APPL1: variants seen among roughly 807,000 people sequenced by gnomAD.
APPL1 encodes the protein DCC-interacting protein 13-alpha.
Under a neutral mutation model 106.8 loss-of-function variants are expected in APPL1, and 42 were observed. The observed-to-expected ratio is 0.39, with a 90% CI of 0.31 to 0.51. APPL1 has a LOEUF of 0.51. APPL1 is among the 20% of genes least tolerant of loss of function. The probability of loss-of-function intolerance (pLI) is 0.75; values close to 1 mark genes in which losing one functional copy is unlikely to be tolerated. For synonymous variants in APPL1, 263 were observed against 281.8 expected, an observed-to-expected ratio of 0.93 and a Z score of 0.67; for missense variants, 769 against 858.2, an observed-to-expected ratio of 0.90 and a Z score of 1.30.
intron 19 of APPL1, among the ~76,000 whole-genome samples, chr3:57,264,028 T>C (rs1425824676): frequency 6.6e-6 from 1 of 152,232 alleles, no homozygotes; most frequent in Non-Finnish European, 1.5e-5. Flanking sequence ...GGGTTCCCTT[T>C]TCTCCACATG....
At chr3:57,230,763 T>C (rs1473689663) in intron 1 of APPL1, 1 of 455,138 alleles carries the variant, frequency 2.2e-6, no homozygotes, top group African/African-American at 2.1e-5. Flanking sequence ...CTTTTAAAGC[T>C]CATGGTAAGT....
At chr3:57,255,804 A>T (rs1219511070) in intron 13 of APPL1, among the ~76,000 whole-genome samples, 1 of 152,220 alleles carries the variant, frequency 6.6e-6, no homozygotes, top group Non-Finnish European at 1.5e-5. Context: ...TACCATTAAA[A>T]TACAAATTAA....
intron 4 of APPL1, 32 bp from the exon 5 acceptor site, chr3:57,240,433 T>C: frequency 6.5e-7 from 1 of 1,532,118 alleles, no homozygotes; most frequent in Non-Finnish European, 9.0e-7. Flanking sequence ...CTGTGTATAG[T>C]TATTTGGCCT....
Position 57,235,675 on chromosome 3 carries a change from A to G in APPL1, c.153+11A>G, listed in dbSNP as rs767409537. The G allele has an allele frequency of 2.5e-6, 4 of 1,593,318 alleles. No individual in the cohort carries two copies. Among genetic ancestry groups the G allele is most frequent in the Admixed American group, 1.7e-5 (1 of 59,572 alleles). On this transcript the variant is annotated intron_variant, in intron 2 of 21. Transcript: ENST00000288266. ...ATTTATGATGCACAGGTAAAACACT[A>G]AGGACTAACTTGATGCTTTTAAAAC...
At chr3:57,267,134 A>G (rs967550153) in intron 19 of APPL1, among the ~76,000 whole-genome samples, 2 of 152,220 alleles carry the variant, frequency 1.3e-5, no homozygotes, top group African/African-American at 2.4e-5. Flanking sequence ...ATTCTGATCC[A>G]TGAGCATGGG....
rs2060957241 is a variant in APPL1, at chr3:57,273,131, AC to A, written c.*3445del. On this transcript the variant is annotated 3_prime_UTR_variant, in exon 22 of 22. Transcript: ENST00000288266. ...CTCTGTGGCTTCACTCATGAAATTT[AC>A]TTCAGTTAATATGAGACTGGGGGTT... The A allele has an allele frequency of 6.6e-6, 1 of 152,642 alleles. No individual in the cohort carries two copies. Among genetic ancestry groups the A allele is most frequent in the Non-Finnish European group, 1.5e-5 (1 of 68,020 alleles). 9.5% of individuals were successfully genotyped at this position (152,642 alleles called of 1,614,324 possible).
chr3:57,252,234 A>G, intron 11 of APPL1, 35 bp from the exon 12 acceptor site: 2 of 1,563,406 alleles, frequency 1.3e-6, no homozygotes, highest in Non-Finnish European at 1.7e-6. Flanking sequence ...ATACTTTTTT[A>G]AACAGTTGAG....
chr3:57,237,144 A>G (rs1190147332), intron 2 of APPL1, among the ~76,000 whole-genome samples: 2 of 152,220 alleles, frequency 1.3e-5, no homozygotes, highest in African/African-American at 2.4e-5. Flanking sequence ...GTAGTCTAGT[A>G]TCAGCATCTA....
rs1046545 is a variant in APPL1 at position 57,271,142 on chromosome 3, C to T, written c.*1455C>T. 27,414 of 150,610 alleles carry T rather than the reference C, an allele frequency of 0.18. 2,740 individuals are homozygous for T. The highest frequency in any genetic ancestry group is 0.25 in the African/African-American group (10,146 of 40,952). The allele number at this position is 150,610 out of a possible 1,614,324, so 9.3% of individuals were successfully genotyped here. On this transcript the variant is annotated 3_prime_UTR_variant, in exon 22 of 22. Transcript: ENST00000288266. ...TACAAGGGAAAAAGCCTTTTTTTTT[C>T]TTTGATATACAGTTTTTTCTTCTTA... is the stretch of plus-strand genomic sequence containing the variant.
intron 18 of APPL1, 138 bp downstream of exon 18, chr3:57,260,291 G>A: frequency 1.1e-6 from 1 of 886,138 alleles, no homozygotes; most frequent in Non-Finnish European, 1.7e-6. Flanking sequence ...TTGTAGTTAA[G>A]TCTATGGCCA....
At chr3:57,260,935 C>G (rs950295728) in intron 19 of APPL1, among the ~76,000 whole-genome samples, 161 bp downstream of exon 19, 2 of 152,120 alleles carry the variant, frequency 1.3e-5, no homozygotes, top group South Asian at 2.1e-4. Flanking sequence ...AATTTTGTTA[C>G]ATGTATAGAA....
In APPL1 at chr3:57,260,134, C is replaced by T; in HGVS notation, c.1676C>T (p.Thr559Ile). The T allele has an allele frequency of 6.2e-7, 1 of 1,606,394 alleles. No homozygotes were observed. Among genetic ancestry groups the T allele is most frequent in the Non-Finnish European group, 8.5e-7 (1 of 1,178,624 alleles). ...CDCLKLIDPQ[T>I]QVTRLTFPLP... ...TATTTTAGGTTAATTGATCCACAGA[C>T]ACAAGTTACAAGGCTCACGGTGAGT... The change falls in exon 18 of 22, where the codon ACA becomes ATA. Residue 559 changes from threonine (T) to isoleucine (I), a missense_variant. Thr to Ile is a moderately conservative substitution (Grantham distance 89). Coordinates refer to ENST00000288266, the MANE Select transcript of APPL1 (RefSeq NM_012096.3).
intron 8 of APPL1, 73 bp downstream of exon 8, chr3:57,246,295 A>G: frequency 8.6e-7 from 1 of 1,159,586 alleles, no homozygotes; most frequent in Non-Finnish European, 1.1e-6. Flanking sequence ...TACATTAAGT[A>G]TAAGGGTATT....
At chr3:57,247,605 T>C in intron 9 of APPL1, 128 bp downstream of exon 9, 2 of 650,012 alleles carry the variant, frequency 3.1e-6, no homozygotes, top group Non-Finnish European at 5.1e-6. Context: ...GAGTTTCTTA[T>C]GTGGTTCATG....
chr3:57,257,477 T>C lies in APPL1; in HGVS notation c.1430+49T>C, dbSNP rs1293879519. The C allele has an allele frequency of 2.8e-6, 4 of 1,444,840 alleles. No homozygotes were observed. The East Asian group carries it at 9.2e-5, about 33-fold the overall frequency. The allele number at this position is 1,444,840 out of a possible 1,614,324, so 89.5% of individuals were successfully genotyped here. ...ATTGTGCTGTGGTCTGTAAGGCTTA[T>C]AATCCCCTGTCTGCATTTCAGAGTC... is the stretch of plus-strand genomic sequence containing the variant. On this transcript the variant is annotated intron_variant, in intron 15 of 21. Transcript: ENST00000288266.
In APPL1 at chr3:57,239,077, A is replaced by G. The variant is rs546183505; in HGVS notation, c.285+961A>G. ...CACATCTTACATGGCGGCAGATGAG[A>G]GAGAATGAAAGACAAGTGAAAGGGG... is the stretch of plus-strand genomic sequence containing the variant. On this transcript the variant is annotated intron_variant, in intron 4 of 21. Transcript: ENST00000288266. 1.2e-3 allele frequency among the ~76,000 whole-genome samples: 179 copies of G among 152,344 alleles called. 2 individuals carry two copies. Among genetic ancestry groups the G allele is most frequent in the African/African-American group, 3.6e-3 (151 of 41,582 alleles).
chr3:57,228,132 C>G lies in APPL1; in HGVS notation c.54+195C>G, dbSNP rs192033883. ...CGCCCAAGGCCCGCGTGGGCCTGCT[C>G]GGCTGGGCCGAGGGCCGCAGGCGGA... On this transcript the variant is annotated intron_variant, in intron 1 of 21. Coordinates refer to ENST00000288266, the MANE Select transcript of APPL1 (RefSeq NM_012096.3). This position sits in a 1 kb window ranked among gnomAD's most constrained non-coding sequence, Gnocchi z 4.6. Among the ~76,000 whole-genome samples the G allele has an allele frequency of 2.8e-4, 43 of 151,998 alleles. No homozygotes were observed. The East Asian group carries it at 6.6e-3, about 23-fold the overall frequency.
chr3:57,232,973 G>A (rs1476352400), intron 1 of APPL1, among the ~76,000 whole-genome samples: 3 of 152,122 alleles, frequency 2.0e-5, no homozygotes, highest in African/African-American at 7.2e-5. Context: ...CTGCACTCCA[G>A]CCTGGGCGAC....
intron 19 of APPL1, among the ~76,000 whole-genome samples, chr3:57,262,135 C>T (rs532642384): frequency 6.6e-6 from 1 of 151,954 alleles, no homozygotes; most frequent in Non-Finnish European, 1.5e-5. Context: ...CTGTTGAGTT[C>T]GTTGTATATT....
Sources: allele counts gnomAD v4.1 joint callset (sites outside exome capture counted in the v4.1 genomes callset), GRCh38; gene constraint gnomAD v4.1.1; non-coding constraint Gnocchi (gnomAD v3.1); transcripts MANE v1.5; gene names NCBI Gene and HGNC (gene_info 2026-07-23, HGNC 2026-07-21).